Variants in PTPRT observed in about 807,000 individuals in gnomAD.
PTPRT encodes the protein receptor-type tyrosine-protein phosphatase T.
Under a neutral mutation model 176.8 loss-of-function variants are expected in PTPRT, and 56 were observed. The ratio of observed to expected loss-of-function variants is 0.32; its 90% confidence interval spans 0.26 to 0.40. The LOEUF is 0.40. Ranked by LOEUF, PTPRT falls within the 10% of genes least tolerant of loss-of-function variation. PTPRT has a pLI of 1.00. For synonymous variants in PTPRT, 783 were observed against 739.0 expected (o/e 1.06, Z -0.96); for missense variants, 1,540 against 1,908.2 (o/e 0.81, Z 3.60).
At chr20:42,527,500 T>C (rs2072300084) in intron 7 of PTPRT, among the ~76,000 whole-genome samples, 1 of 152,192 alleles carries the variant, frequency 6.6e-6, no homozygotes. Flanking sequence ...CCTGCCACCT[T>C]TCCTCATCAT....
intron 2 of PTPRT, among the ~76,000 whole-genome samples, chr20:42,802,303 A>T (rs554055307): frequency 6.6e-6 from 1 of 152,328 alleles, no homozygotes; most frequent in African/African-American, 2.4e-5. Flanking sequence ...TGGTGCTACC[A>T]CAGGGGTGCT....
intron 1 of PTPRT, among the ~76,000 whole-genome samples, chr20:43,116,053 T>A (rs2013046602): frequency 6.6e-6 from 1 of 152,188 alleles, no homozygotes. Context: ...ATCTAATTGA[T>A]CCTTGCAGGG....
intron 6 of PTPRT, among the ~76,000 whole-genome samples, chr20:42,741,731 G>A (rs1368499010): frequency 6.6e-6 from 1 of 152,092 alleles, no homozygotes; most frequent in African/African-American, 2.4e-5. Context: ...GGTCATGGTT[G>A]GATAAGAGAG....
chr20:42,059,857 A>G, the PTPRT span, among the ~76,000 whole-genome samples: 1 of 152,208 alleles, frequency 6.6e-6, no homozygotes, highest in Non-Finnish European at 1.5e-5. Context: ...TTATTGTATA[A>G]GGTAATATCC....
chr20:42,281,708 T>C (rs1288524781), intron 13 of PTPRT, among the ~76,000 whole-genome samples: 1 of 152,186 alleles, frequency 6.6e-6, no homozygotes, highest in Non-Finnish European at 1.5e-5. Flanking sequence ...CTATGGATGC[T>C]GCCAGTAAAT....
intron 13 of PTPRT, among the ~76,000 whole-genome samples, chr20:42,271,673 A>G (rs569962882): frequency 1.3e-5 from 2 of 152,316 alleles, no homozygotes; most frequent in East Asian, 3.9e-4. Context: ...CAAACTGGTA[A>G]AGGTTGTATT....
intron 1 of PTPRT, among the ~76,000 whole-genome samples, chr20:42,918,270 C>T (rs1316276114): frequency 6.6e-6 from 1 of 152,138 alleles, no homozygotes; most frequent in African/African-American, 2.4e-5. Context: ...AAGCCCTGTG[C>T]TCCTGGTTAA....
chr20:42,186,811 G>T (rs1990801336), intron 16 of PTPRT, among the ~76,000 whole-genome samples: 1 of 152,064 alleles, frequency 6.6e-6, no homozygotes, highest in Admixed American at 6.5e-5. Flanking sequence ...AGATGATGAT[G>T]ACTTGGACAA....
the PTPRT span, among the ~76,000 whole-genome samples, chr20:42,059,019 T>A: frequency 6.6e-6 from 1 of 152,116 alleles, no homozygotes; most frequent in East Asian, 1.9e-4. Context: ...TAAAAATGCA[T>A]CTCTAGAGGG....
chr20:42,453,466 A>G (rs888378445), intron 8 of PTPRT, among the ~76,000 whole-genome samples: 2 of 152,068 alleles, frequency 1.3e-5, no homozygotes, highest in African/African-American at 4.8e-5. Flanking sequence ...AAGTATACAT[A>G]ATAATGTATG....
intron 1 of PTPRT, among the ~76,000 whole-genome samples, chr20:42,931,945 T>G (rs1482675898): frequency 6.6e-6 from 1 of 152,226 alleles, no homozygotes; most frequent in Non-Finnish European, 1.5e-5. Flanking sequence ...TGTCAACATG[T>G]GTCCTGACTG....
intron 2 of PTPRT, among the ~76,000 whole-genome samples, chr20:42,851,876 C>T (rs1412447717): frequency 6.6e-6 from 1 of 152,170 alleles, no homozygotes; most frequent in Non-Finnish European, 1.5e-5. Flanking sequence ...AGATAATGAT[C>T]TGCCTTTCCC....
intron 7 of PTPRT, among the ~76,000 whole-genome samples, chr20:42,609,864 C>T (rs17747895): frequency 0.11 from 16,718 of 152,216 alleles, 1,189 homozygotes; most frequent in Middle Eastern, 0.17. Context: ...TGCAGCCGAG[C>T]GTGAGCACAT....
intron 27 of PTPRT, among the ~76,000 whole-genome samples, chr20:42,091,355 G>A (rs1404368759): frequency 6.6e-6 from 1 of 152,154 alleles, no homozygotes; most frequent in Non-Finnish European, 1.5e-5. Context: ...CAGAAAGCTT[G>A]TTATCACTGG....
At chr20:42,452,933 C>T (rs11700121) in intron 8 of PTPRT, among the ~76,000 whole-genome samples, 32,935 of 152,066 alleles carry the variant, frequency 0.22, 3,660 homozygotes, top group Middle Eastern at 0.32. Flanking sequence ...ATTAATTGAC[C>T]AGTCAAAACT....
At chr20:42,194,205 T>C (rs1204418896) in intron 16 of PTPRT, among the ~76,000 whole-genome samples, 4 of 152,244 alleles carry the variant, frequency 2.6e-5, no homozygotes, top group Non-Finnish European at 5.9e-5. Flanking sequence ...TCTTTGAAAC[T>C]ACCTCTCTCC....
chr20:42,859,762 T>TG (rs1042391326), intron 2 of PTPRT, among the ~76,000 whole-genome samples: 3 of 151,490 alleles, frequency 2.0e-5, no homozygotes, highest in African/African-American at 7.3e-5. Flanking sequence ...TTTTTTTTTT[T>TG]TGTATTTTTT....
chr20:42,686,374 G>A (rs561037389), intron 6 of PTPRT: 5 of 150,588 alleles, frequency 3.3e-5, no homozygotes, highest in Non-Finnish European at 5.9e-5. Context: ...GGGACAATGG[G>A]GTGGCTTTAT....
At chr20:42,851,619 C>T (rs538176864) in intron 2 of PTPRT, among the ~76,000 whole-genome samples, 1 of 152,286 alleles carries the variant, frequency 6.6e-6, no homozygotes, top group South Asian at 2.1e-4. Flanking sequence ...TCCTGCTCTC[C>T]ATGTGTCAAA....
Sources: gnomAD v4.1 joint callset for allele counts (sites outside exome capture counted in the v4.1 genomes callset) on GRCh38, gnomAD v4.1.1 for gene constraint, MANE v1.5 for transcripts, NCBI Gene and HGNC (gene_info 2026-07-23, HGNC 2026-07-21) for gene names.